The following KCNIP4 variants were observed in gnomAD, a reference collection of about 807,000 sequenced individuals.
KCNIP4 encodes the protein Kv channel-interacting protein 4.
Under a neutral mutation model 34.0 loss-of-function variants are expected in KCNIP4, and 12 were observed. The observed-to-expected ratio is 0.35, with a 90% CI of 0.23 to 0.57. The LOEUF is 0.57. Ranked by LOEUF, KCNIP4 falls within the 20% of genes least tolerant of loss-of-function variation. KCNIP4 has a pLI of 0.83. For synonymous variants in KCNIP4, 124 were observed against 102.2 expected (o/e 1.21, Z -1.29); for missense variants, 238 against 311.7 (o/e 0.76, Z 1.78).
At chr4:21,456,266 G>A (rs1728946837) in intron 1 of KCNIP4, among the ~76,000 whole-genome samples, 1 of 147,422 alleles carries the variant, frequency 6.8e-6, no homozygotes, top group Non-Finnish European at 1.5e-5. Context: ...GAAATTCCTT[G>A]CCCTTTCCAG....
chr4:21,293,726 C>T (rs1763677015), intron 1 of KCNIP4, among the ~76,000 whole-genome samples: 1 of 152,054 alleles, frequency 6.6e-6, no homozygotes, highest in Non-Finnish European at 1.5e-5. Context: ...GGATCTGAAA[C>T]ACATATGATT....
chr4:20,811,353 TGAAACTA>T (rs1715727959), intron 3 of KCNIP4, among the ~76,000 whole-genome samples: 2 of 152,200 alleles, frequency 1.3e-5, no homozygotes, highest in African/African-American at 4.8e-5. Context: ...AGATGCATGT[TGAAACTA>T]TACACATACA....
intron 1 of KCNIP4, among the ~76,000 whole-genome samples, chr4:21,635,899 AC>A (rs1327162544): frequency 1.1e-4 from 16 of 151,926 alleles, no homozygotes; most frequent in African/African-American, 3.6e-4. Context: ...CAAATGTCCA[AC>A]AATGATAGAC....
intron 1 of KCNIP4, among the ~76,000 whole-genome samples, chr4:20,937,163 T>TGCTGCATA (rs1481852842): frequency 1.3e-5 from 2 of 150,682 alleles, no homozygotes; most frequent in Admixed American, 1.3e-4. Flanking sequence ...CTTTATTTAG[T>TGCTGCATA]GCTGCATAAT....
chr4:20,909,906 A>G (rs1362648463), intron 1 of KCNIP4, among the ~76,000 whole-genome samples: 2 of 152,122 alleles, frequency 1.3e-5, no homozygotes, highest in African/African-American at 2.4e-5. Flanking sequence ...GGAAAGGCCA[A>G]AAGATTCCCA....
chr4:21,595,161 G>T (rs1742543404), intron 1 of KCNIP4, among the ~76,000 whole-genome samples: 1 of 151,784 alleles, frequency 6.6e-6, no homozygotes, highest in Admixed American at 6.6e-5. Flanking sequence ...CCTCTGACAG[G>T]CCCCAGTGTG....
chr4:21,498,285 A>C (rs1228894335), intron 1 of KCNIP4, among the ~76,000 whole-genome samples: 4 of 152,160 alleles, frequency 2.6e-5, no homozygotes, highest in Non-Finnish European at 5.9e-5. Context: ...GTTATTTAGA[A>C]CTATGACATT....
At chr4:21,427,351 A>G (rs967862852) in intron 1 of KCNIP4, among the ~76,000 whole-genome samples, 3 of 151,830 alleles carry the variant, frequency 2.0e-5, no homozygotes, top group Admixed American at 2.0e-4. Context: ...TTTTTTCTTC[A>G]TTATTTCCAA....
At chr4:21,920,465 G>A (rs1728876678) in intron 1 of KCNIP4, among the ~76,000 whole-genome samples, 3 of 151,924 alleles carry the variant, frequency 2.0e-5, no homozygotes, top group African/African-American at 7.3e-5. Context: ...GAGACTTTGG[G>A]GTGTTGTTTG....
intron 1 of KCNIP4, among the ~76,000 whole-genome samples, chr4:21,927,671 T>A (rs182088650): frequency 9.8e-5 from 15 of 152,318 alleles, no homozygotes; most frequent in Non-Finnish European, 1.9e-4. Context: ...TTCGGTTTAC[T>A]TTTTTACTTT....
At chr4:20,903,574 T>C (rs886823170) in intron 1 of KCNIP4, among the ~76,000 whole-genome samples, 1 of 152,100 alleles carries the variant, frequency 6.6e-6, no homozygotes, top group Non-Finnish European at 1.5e-5. Context: ...GATGGTTAAA[T>C]TTACCTATAG....
At chr4:20,846,866 T>C (rs1029372709) in intron 3 of KCNIP4, among the ~76,000 whole-genome samples, 6 of 152,190 alleles carry the variant, frequency 3.9e-5, no homozygotes, top group Middle Eastern at 3.2e-3. Context: ...GCTTTATAAA[T>C]CCTAATGCTG....
intron 1 of KCNIP4, among the ~76,000 whole-genome samples, chr4:21,787,276 T>G (rs1029329281): frequency 6.6e-6 from 1 of 152,212 alleles, no homozygotes; most frequent in Non-Finnish European, 1.5e-5. Flanking sequence ...TATGCAATTA[T>G]TCTCAAGTTT....
chr4:21,334,487 C>T (rs1432914746), intron 1 of KCNIP4, among the ~76,000 whole-genome samples: 1 of 151,886 alleles, frequency 6.6e-6, no homozygotes, highest in African/African-American at 2.4e-5. Flanking sequence ...CAAGCTATTC[C>T]CTTACCATTT....
At chr4:20,996,378 C>A (rs1185373738) in intron 1 of KCNIP4, among the ~76,000 whole-genome samples, 1 of 152,206 alleles carries the variant, frequency 6.6e-6, no homozygotes, top group Non-Finnish European at 1.5e-5. Context: ...ATTCAAACTT[C>A]TCGCTGTGTT....
chr4:21,948,389 C>A (rs566618548), intron 1 of KCNIP4, among the ~76,000 whole-genome samples, 182 bp downstream of exon 1: 1 of 152,132 alleles, frequency 6.6e-6, no homozygotes, highest in Non-Finnish European at 1.5e-5. Context: ...ATGCACCCCC[C>A]TCTCCTTTGC....
chr4:20,742,794 A>G (rs555318386), intron 5 of KCNIP4, among the ~76,000 whole-genome samples: 1 of 152,324 alleles, frequency 6.6e-6, no homozygotes, highest in South Asian at 2.1e-4. Flanking sequence ...TGCGGATGAC[A>G]TGATTGTATA....
At chr4:21,182,045 C>T (rs897110285) in intron 1 of KCNIP4, among the ~76,000 whole-genome samples, 1 of 152,144 alleles carries the variant, frequency 6.6e-6, no homozygotes, top group South Asian at 2.1e-4. Context: ...ATGACTATAG[C>T]TTCACTGATA....
intron 1 of KCNIP4, among the ~76,000 whole-genome samples, chr4:21,447,204 G>C (rs996248479): frequency 6.6e-6 from 1 of 152,046 alleles, no homozygotes; most frequent in Non-Finnish European, 1.5e-5. Flanking sequence ...TTTGATAATT[G>C]AAAAAGTAGG....
Sources: gnomAD v4.1 joint callset for allele counts (sites outside exome capture counted in the v4.1 genomes callset) on GRCh38, gnomAD v4.1.1 for gene constraint, MANE v1.5 for transcripts, NCBI Gene and HGNC (gene_info 2026-07-23, HGNC 2026-07-21) for gene names.